The following MGAT4C variants were observed in gnomAD, a reference collection of about 807,000 sequenced individuals.
MGAT4C encodes alpha-1,3-mannosyl-glycoprotein 4-beta-N-acetylglucosaminyltransferase C.
A neutral mutation model predicts 40.1 loss-of-function variants in MGAT4C; 19 were observed. That is an observed-to-expected ratio of 0.47 (90% confidence interval 0.33 to 0.70). The LOEUF is 0.70. Among genes scored for constraint, MGAT4C ranks in the 30% least tolerant of loss-of-function variants. MGAT4C has a pLI of 0.02. For missense variants in MGAT4C, 491 were observed against 563.2 expected (o/e 0.87, Z 1.30); for synonymous variants, 181 against 187.1 (o/e 0.97, Z 0.27).
chr12:86,528,693 T>G (rs1958926640), intron 2 of MGAT4C, among the ~76,000 whole-genome samples: 1 of 152,092 alleles, frequency 6.6e-6, no homozygotes, highest in South Asian at 2.1e-4. Flanking sequence ...AAAAATATAA[T>G]CATAAGTCCT....
chr12:86,040,748 A>C (rs1054830911), intron 2 of MGAT4C, among the ~76,000 whole-genome samples: 3 of 147,878 alleles, frequency 2.0e-5, no homozygotes, highest in African/African-American at 7.6e-5. Context: ...CAAAAAAAAA[A>C]CTCCTGCAGC....
chr12:86,540,783 T>C (rs1264337139), intron 2 of MGAT4C, among the ~76,000 whole-genome samples: 1 of 151,206 alleles, frequency 6.6e-6, no homozygotes, highest in Non-Finnish European at 1.5e-5. Flanking sequence ...CTGAAACCAC[T>C]CAGTTTGAAT....
intron 1 of MGAT4C, among the ~76,000 whole-genome samples, chr12:86,237,437 A>G (rs777314171): frequency 6.6e-6 from 1 of 151,920 alleles, no homozygotes; most frequent in Non-Finnish European, 1.5e-5. Context: ...ATAATAAAAT[A>G]AAAATTATTA....
chr12:86,786,351 A>C (rs1342046571), intron 1 of MGAT4C, among the ~76,000 whole-genome samples: 1 of 152,152 alleles, frequency 6.6e-6, no homozygotes. Flanking sequence ...GTAGGTTTCT[A>C]ACAAAAGAAA....
intron 4 of MGAT4C, among the ~76,000 whole-genome samples, chr12:86,325,572 T>C (rs987679920): frequency 6.6e-6 from 1 of 152,124 alleles, no homozygotes; most frequent in African/African-American, 2.4e-5. Flanking sequence ...GATGTAGCAT[T>C]AAAACAATTA....
intron 4 of MGAT4C, among the ~76,000 whole-genome samples, chr12:86,307,403 T>C (rs369255164): frequency 1.3e-5 from 2 of 150,552 alleles, no homozygotes; most frequent in South Asian, 4.2e-4. Flanking sequence ...GGATTTAAAA[T>C]AAATGTTTGT....
At chr12:86,133,444 C>A (rs7957502) in intron 1 of MGAT4C, among the ~76,000 whole-genome samples, 17,073 of 152,110 alleles carry the variant, frequency 0.11, 2,064 homozygotes, top group African/African-American at 0.3. Flanking sequence ...TAAAGCACTG[C>A]AAATTTAAGA....
chr12:86,203,047 TGTGTGTG>T (rs1950107880), intron 1 of MGAT4C, among the ~76,000 whole-genome samples: 1 of 150,792 alleles, frequency 6.6e-6, no homozygotes, highest in Non-Finnish European at 1.5e-5. Context: ...TGTGTGTGTG[TGTGTGTG>T]TTTTTACATA....
At chr12:86,828,140 C>T (rs1428731999) in intron 1 of MGAT4C, among the ~76,000 whole-genome samples, 1 of 150,654 alleles carries the variant, frequency 6.6e-6, no homozygotes, top group East Asian at 2.0e-4. Flanking sequence ...AATGTAAAAT[C>T]TGTTATGAAT....
At chr12:86,420,280 G>A (rs1172044194) in intron 3 of MGAT4C, among the ~76,000 whole-genome samples, 2 of 152,094 alleles carry the variant, frequency 1.3e-5, no homozygotes, top group East Asian at 1.9e-4. Flanking sequence ...TACTCTCGAG[G>A]CGGGAGTGGG....
intron 2 of MGAT4C, among the ~76,000 whole-genome samples, chr12:86,562,300 G>T (rs975760398): frequency 6.6e-5 from 10 of 152,142 alleles, no homozygotes; most frequent in Admixed American, 6.5e-5. Context: ...AAGGAAAGGT[G>T]CACTCTCAGC....
intron 2 of MGAT4C, among the ~76,000 whole-genome samples, chr12:86,559,712 TAAAC>T (rs1413670166): frequency 3.3e-5 from 5 of 151,796 alleles, no homozygotes; most frequent in African/African-American, 1.2e-4. Context: ...AAATTTTAAA[TAAAC>T]AATCTAATGA....
chr12:86,624,621 AG>A (rs1390251004), intron 2 of MGAT4C, among the ~76,000 whole-genome samples: 22 of 152,290 alleles, frequency 1.4e-4, no homozygotes, highest in Admixed American at 1.1e-3. Context: ...GCAAAAGCAA[AG>A]ATAGCAACAA....
At chr12:86,766,021 T>C (rs12309124) in intron 1 of MGAT4C, among the ~76,000 whole-genome samples, 9,425 of 152,116 alleles carry the variant, frequency 0.062, 341 homozygotes, top group Middle Eastern at 0.16. Flanking sequence ...ATAACAATAT[T>C]AACCTTAAAT....
chr12:86,237,758 A>G (rs1161371435), intron 1 of MGAT4C, among the ~76,000 whole-genome samples: 1 of 151,976 alleles, frequency 6.6e-6, no homozygotes, highest in Non-Finnish European at 1.5e-5. Context: ...TAGGGACGAT[A>G]GAAAACAAGA....
At chr12:86,483,768 C>T (rs879785437) in intron 2 of MGAT4C, among the ~76,000 whole-genome samples, 2 of 148,612 alleles carry the variant, frequency 1.3e-5, no homozygotes, top group Non-Finnish European at 3.0e-5. Flanking sequence ...TTCTGCCTCA[C>T]TCATCCATGC....
At chr12:86,741,345 C>G (rs1951065988) in intron 1 of MGAT4C, among the ~76,000 whole-genome samples, 1 of 151,104 alleles carries the variant, frequency 6.6e-6, no homozygotes. Flanking sequence ...TCCAAGTTAT[C>G]AAACGTAGAA....
intron 2 of MGAT4C, among the ~76,000 whole-genome samples, chr12:86,505,885 T>C (rs1273402290): frequency 6.6e-6 from 1 of 151,998 alleles, no homozygotes; most frequent in East Asian, 1.9e-4. Context: ...TGGCCCAAAA[T>C]AGGGCCCTTT....
chr12:85,962,438 AATT>A lies in MGAT4C; in HGVS notation c.*16848_*16850del, dbSNP rs561231867. On this transcript the variant is annotated 3_prime_UTR_variant, in exon 5 of 5. Transcript: ENST00000611864. ...ATTATATAATTATATAAAATTTTAT[AATT>A]AATTATAAAATAAAATATTAACAAT... 302 of 148,024 alleles carry A rather than the reference AATT, an allele frequency of 2.0e-3. 1 individual carries two copies. Among genetic ancestry groups the A allele is most frequent in the South Asian group, 7.1e-3 (34 of 4,770 alleles). 9.2% of individuals were successfully genotyped at this position (148,024 alleles called of 1,614,324 possible).
Sources: gnomAD v4.1 joint callset for allele counts (sites outside exome capture counted in the v4.1 genomes callset) on GRCh38, gnomAD v4.1.1 for gene constraint, MANE v1.5 for transcripts, NCBI Gene and HGNC (gene_info 2026-07-23, HGNC 2026-07-21) for gene names.